The following CYB5R3 variants were observed in gnomAD, a reference collection of about 807,000 sequenced individuals.
CYB5R3 encodes NADH-cytochrome b5 reductase 3.
Under a neutral mutation model 36.5 loss-of-function variants are expected in CYB5R3, and 28 were observed. That is an observed-to-expected ratio of 0.77 (90% confidence interval 0.57 to 1.05). The LOEUF (loss-of-function observed/expected upper bound fraction) is 1.05. Ranked by LOEUF, CYB5R3 falls within the 50% of genes least tolerant of loss-of-function variation. The pLI is 0.00. For synonymous variants in CYB5R3, 181 were observed against 159.8 expected, an observed-to-expected ratio of 1.13 and a Z score of -1.00; for missense variants, 474 against 408.9, an observed-to-expected ratio of 1.16 and a Z score of -1.37.
At chr22:42,627,783 G>A in intron 5 of CYB5R3, 95 bp from the exon 6 acceptor site, 2 of 940,560 alleles carry the variant, frequency 2.1e-6, no homozygotes, top group South Asian at 1.3e-5. Flanking sequence ...TGCCCCCACT[G>A]TGAGGTCCGA....
chr22:42,636,617 A>G, intron 2 of CYB5R3, 98 bp downstream of exon 2: 1 of 1,539,476 alleles, frequency 6.5e-7, no homozygotes, highest in Non-Finnish European at 8.7e-7. Flanking sequence ...TGGGTGGACA[A>G]CAGTATCTAC....
At chr22:42,644,090 T>C (rs999695733) in intron 1 of CYB5R3, among the ~76,000 whole-genome samples, 2 of 152,032 alleles carry the variant, frequency 1.3e-5, no homozygotes, top group African/African-American at 2.4e-5. Flanking sequence ...CTCAGATAGA[T>C]GAAGTGACCT....
chr22:42,644,761 T>C (rs1432173196), intron 1 of CYB5R3: 4 of 515,496 alleles, frequency 7.8e-6, no homozygotes, highest in Non-Finnish European at 1.0e-5. Context: ...GCCCTGGCAA[T>C]GAACTTGAAT....
Position 42,627,299 on chromosome 22 carries a change from C to G in CYB5R3, c.633+5G>C. 6.2e-7 allele frequency: 1 copy of G among 1,613,710 alleles called. No individual in the cohort carries two copies. Among genetic ancestry groups the G allele is most frequent in the Non-Finnish European group, 8.5e-7 (1 of 1,179,776 alleles). The stretch of plus-strand genomic sequence containing the variant: ...AGTTTCCCCATCATGGGGATGCCCA[C>G]TGACCTGGTTGGCAAAGAGCAGGTG... On this transcript the variant is annotated splice_donor_5th_base_variant and intron_variant, in intron 7 of 8. Coordinates refer to ENST00000352397, the MANE Select transcript of CYB5R3 (RefSeq NM_000398.7).
At chr22:42,630,356 A>T (rs1424947447) in intron 4 of CYB5R3, among the ~76,000 whole-genome samples, 1 of 152,156 alleles carries the variant, frequency 6.6e-6, no homozygotes, top group African/African-American at 2.4e-5. Flanking sequence ...GGGTAAGAAC[A>T]GGGCCTGCGT....
intron 1 of CYB5R3, chr22:42,640,224 A>G (rs1397110871): frequency 6.3e-6 from 10 of 1,596,318 alleles, no homozygotes; most frequent in East Asian, 4.5e-5. Flanking sequence ...TCACAGCAGC[A>G]TTCACCAGTG....
At chr22:42,648,764 C>T (rs1336875248) in intron 1 of CYB5R3, among the ~76,000 whole-genome samples, 1 of 152,104 alleles carries the variant, frequency 6.6e-6, no homozygotes, top group Non-Finnish European at 1.5e-5. Flanking sequence ...CGTGCAAAAC[C>T]CTCTGACATA....
chr22:42,621,464 C>G (rs1490544436), intron 8 of CYB5R3, among the ~76,000 whole-genome samples: 1 of 152,188 alleles, frequency 6.6e-6, no homozygotes, highest in Non-Finnish European at 1.5e-5. Context: ...CCTTGGGGCT[C>G]TCCTCATCCT....
intron 7 of CYB5R3, among the ~76,000 whole-genome samples, chr22:42,625,443 G>A (rs1246510306): frequency 6.6e-6 from 1 of 152,172 alleles, no homozygotes; most frequent in Non-Finnish European, 1.5e-5. Context: ...GGGAGGCGGA[G>A]GTTGCAGTGA....
chr22:42,626,988 CCA>C (rs1159868299), intron 7 of CYB5R3, among the ~76,000 whole-genome samples: 1 of 152,198 alleles, frequency 6.6e-6, no homozygotes, highest in African/African-American at 2.4e-5. Flanking sequence ...AGCATTCTTC[CCA>C]CTCTACCAGT....
chr22:42,627,561 C>G, intron 6 of CYB5R3, 44 bp downstream of exon 6: 1 of 1,583,188 alleles, frequency 6.3e-7, no homozygotes, highest in Non-Finnish European at 8.7e-7. Context: ...CAACCCCACC[C>G]TTAACATGAG....
chr22:42,629,849 G>A (rs551596719), intron 4 of CYB5R3, among the ~76,000 whole-genome samples: 1 of 152,144 alleles, frequency 6.6e-6, no homozygotes, highest in Non-Finnish European at 1.5e-5. Flanking sequence ...CCAGGCTGGA[G>A]TACAGTAGCA....
At chr22:42,624,350 C>T (rs1012130523) in intron 7 of CYB5R3, among the ~76,000 whole-genome samples, 4 of 152,136 alleles carry the variant, frequency 2.6e-5, no homozygotes, top group African/African-American at 7.2e-5. Context: ...AGTCTTTTTG[C>T]GTTCTGGGAT....
intron 4 of CYB5R3, among the ~76,000 whole-genome samples, chr22:42,629,355 T>G (rs1417204022): frequency 7.9e-5 from 12 of 152,124 alleles, no homozygotes; most frequent in Admixed American, 7.2e-4. Flanking sequence ...CTTCTTCACC[T>G]GGTCAGTGCC....
chr22:42,620,093 C>T (rs935585322), intron 8 of CYB5R3, 148 bp from the exon 9 acceptor site: 13 of 805,920 alleles, frequency 1.6e-5, no homozygotes, highest in African/African-American at 1.0e-4. Flanking sequence ...CTGCCCCCAA[C>T]CCTGACTCAA....
Position 42,628,182 on chromosome 22 carries a change from G to C in CYB5R3, c.433C>G (p.Pro145Ala), listed in dbSNP as rs780736098. The change falls in exon 5 of 9, where the codon CCC becomes GCC. Residue 145 changes from proline to alanine, a missense_variant. Physicochemically the swap from Pro to Ala is conservative, Grantham distance 27. Transcript: ENST00000352397. The stretch of plus-strand genomic sequence containing the variant: ...CCCTGGTAGACCAGCAGCCCACTGG[G>C]GCCCCGGAACTCAATGGTGTCTCCA... ...QIGDTIEFRG[P>A]SGLLVYQGKG... 1.2e-6 allele frequency: 2 copies of C among 1,614,046 alleles called. No homozygotes were observed. The highest frequency in any genetic ancestry group is 1.7e-6 in the Non-Finnish European group (2 of 1,179,978).
At chr22:42,623,201 G>T (rs1928076321) in intron 8 of CYB5R3, among the ~76,000 whole-genome samples, 1 of 152,224 alleles carries the variant, frequency 6.6e-6, no homozygotes, top group Admixed American at 6.5e-5. Flanking sequence ...GCCGAAAAGG[G>T]AAGGGCGCTT....
chr22:42,625,831 C>T (rs1226105474), intron 7 of CYB5R3, among the ~76,000 whole-genome samples: 1 of 152,100 alleles, frequency 6.6e-6, no homozygotes, highest in African/African-American at 2.4e-5. Context: ...AATACTGAGA[C>T]ACTGGTATTT....
Position 42,623,809 on chromosome 22 carries a change from GTGTACC to G in CYB5R3, c.707_712del (p.Trp236_Thr238delinsSer), listed in dbSNP as rs2146868083. On this transcript the variant is annotated inframe_deletion, in exon 8 of 9. Coordinates refer to ENST00000352397, the MANE Select transcript of CYB5R3 (RefSeq NM_000398.7). ...CTCACCTTCAGGGGCTCTGTCCAGC[GTGTACC>G]AGAGCTTGAAGCGTGCAGAATGTTT... 1 of 1,614,092 alleles carries G rather than the reference GTGTACC, an allele frequency of 6.2e-7. No individual in the cohort carries two copies. The highest frequency in any genetic ancestry group is 8.5e-7 in the Non-Finnish European group (1 of 1,179,960).
Sources: gnomAD v4.1 joint callset for allele counts (sites outside exome capture counted in the v4.1 genomes callset) on GRCh38, gnomAD v4.1.1 for gene constraint, MANE v1.5 for transcripts, NCBI Gene and HGNC (gene_info 2026-07-23, HGNC 2026-07-21) for gene names.